Variants in RAP1GAP2 observed in about 807,000 individuals in gnomAD.
RAP1GAP2 encodes RAP1 GTPase activating protein 2.
A neutral mutation model predicts 95.0 loss-of-function variants in RAP1GAP2; 27 were observed. The ratio of observed to expected loss-of-function variants is 0.28; its 90% CI spans 0.21 to 0.39. The LOEUF is 0.39. RAP1GAP2 is among the 10% of genes least tolerant of loss of function. RAP1GAP2 has a pLI of 1.00. For missense variants in RAP1GAP2, 771 were observed against 970.0 expected (o/e 0.79, Z 2.72); for synonymous variants, 373 against 380.9 (o/e 0.98, Z 0.24).
intron 2 of RAP1GAP2, among the ~76,000 whole-genome samples, chr17:2,862,056 A>G (rs1249436633): frequency 6.6e-6 from 1 of 152,146 alleles, no homozygotes; most frequent in Non-Finnish European, 1.5e-5. Flanking sequence ...GATTTTGTAG[A>G]GAATTGCAAA....
rs552484950 is a variant in RAP1GAP2, at chr17:2,884,994, G to T, written c.81-20290G>T. 3.6e-4 allele frequency among the ~76,000 whole-genome samples: 55 copies of T among 151,892 alleles called. No individual in the cohort carries two copies. The South Asian group carries it at 0.011, about 30-fold the overall frequency. On this transcript the variant is annotated intron_variant, in intron 2 of 24. Transcript: ENST00000254695. Reference sequence around the variant, plus strand: ...CTGTCCTCATAGCCGTTACGGCCTGGCAGGCCAAATAGGCACATTTCTTTT... The same window carrying T: ...CTGTCCTCATAGCCGTTACGGCCTGTCAGGCCAAATAGGCACATTTCTTTT...
intron 3 of RAP1GAP2, among the ~76,000 whole-genome samples, chr17:2,926,622 C>T (rs563659064): frequency 6.6e-6 from 1 of 152,250 alleles, no homozygotes; most frequent in East Asian, 1.9e-4. Flanking sequence ...CAAATACCCA[C>T]ACACTTAGTG....
chr17:2,830,204 G>T lies in RAP1GAP2; in HGVS notation c.80+29654G>T, dbSNP rs1037673942. On this transcript the variant is annotated intron_variant, in intron 2 of 24. Coordinates refer to ENST00000254695, the MANE Select transcript of RAP1GAP2 (RefSeq NM_015085.5). ...AGGTGGGCGGATCACTTGAGGTCAG[G>T]AGTTCAAGACCAGCCTGGCCAACAT... is the stretch of plus-strand genomic sequence containing the variant. 6.6e-5 allele frequency among the ~76,000 whole-genome samples: 10 copies of T among 152,024 alleles called. No homozygotes were observed. In the East Asian group the frequency reaches 1.9e-3, roughly 29 times the overall value.
At chr17:2,777,661 G>C (rs1317492968) in intron 1 of RAP1GAP2, among the ~76,000 whole-genome samples, 1 of 152,180 alleles carries the variant, frequency 6.6e-6, no homozygotes, top group Non-Finnish European at 1.5e-5. Flanking sequence ...CCTCTCATTT[G>C]TTTTCTATAG....
intron 3 of RAP1GAP2, among the ~76,000 whole-genome samples, chr17:2,919,184 C>T (rs1282376325): frequency 6.6e-6 from 1 of 152,122 alleles, no homozygotes; most frequent in Non-Finnish European, 1.5e-5. Flanking sequence ...AATGTGGATG[C>T]CCTTGAGGGT....
chr17:2,814,265 G>A (rs1161906478), intron 2 of RAP1GAP2, among the ~76,000 whole-genome samples: 1 of 152,158 alleles, frequency 6.6e-6, no homozygotes, highest in Non-Finnish European at 1.5e-5. Context: ...GTCAGTTCTG[G>A]TTTTGTTTTC....
chr17:2,964,117 G>A (rs1286218314), intron 7 of RAP1GAP2, 49 bp downstream of exon 7: 4 of 1,504,614 alleles, frequency 2.7e-6, no homozygotes, highest in South Asian at 1.2e-5. Context: ...AGAGGCTGGG[G>A]ACGCTGGGAG....
chr17:2,914,027 C>T (rs1469022333), intron 3 of RAP1GAP2, among the ~76,000 whole-genome samples: 2 of 152,084 alleles, frequency 1.3e-5, no homozygotes, highest in African/African-American at 4.8e-5. Flanking sequence ...CCCACTACCA[C>T]TCCCGGCTAA....
At chr17:2,926,861 A>G (rs2042970558) in intron 3 of RAP1GAP2, among the ~76,000 whole-genome samples, 1 of 151,494 alleles carries the variant, frequency 6.6e-6, no homozygotes, top group Non-Finnish European at 1.5e-5. Flanking sequence ...AAAAAATACT[A>G]CAGGTGTGGT....
chr17:2,963,755 C>G lies in RAP1GAP2; in HGVS notation c.280-101C>G. The G allele has an allele frequency of 9.1e-7, 1 of 1,097,366 alleles. No individual in the cohort carries two copies. The highest frequency in any genetic ancestry group is 1.6e-5 in the South Asian group (1 of 62,590). 68.0% of individuals were successfully genotyped at this position (1,097,366 alleles called of 1,614,324 possible). A position where few individuals can be genotyped will look rare whatever the true frequency, so the allele number is the denominator to read the frequency against. On this transcript the variant is annotated intron_variant, in intron 6 of 24. Transcript: ENST00000254695. This position sits in a 1 kb window ranked among gnomAD's most constrained non-coding sequence, Gnocchi z 4.8. ...CTTTGGCCTCAAGTACCAGTGGGTA[C>G]CAGGCCCCACTCCTGGGAGCAGCGC...
chr17:2,887,595 G>A (rs374438515), intron 2 of RAP1GAP2, among the ~76,000 whole-genome samples: 28 of 151,392 alleles, frequency 1.8e-4, no homozygotes, highest in South Asian at 1.3e-3. Context: ...GGCTGGTCTC[G>A]AACTCCTGAC....
intron 2 of RAP1GAP2, among the ~76,000 whole-genome samples, chr17:2,822,768 CAT>C (rs2070367517): frequency 6.7e-6 from 1 of 149,996 alleles, no homozygotes; most frequent in Admixed American, 6.7e-5. Flanking sequence ...AGGTTTGTTA[CAT>C]ATGTATACAT....
intron 1 of RAP1GAP2, among the ~76,000 whole-genome samples, chr17:2,785,980 C>A (rs897251287): frequency 6.6e-6 from 1 of 151,082 alleles, no homozygotes; most frequent in African/African-American, 2.4e-5. Flanking sequence ...CGGCTCACCG[C>A]AACCTCCACC....
Position 3,027,831 on chromosome 17 carries a change from G to A in RAP1GAP2, c.2107+761G>A, listed in dbSNP as rs973271778. On this transcript the variant is annotated intron_variant, in intron 22 of 24. Coordinates refer to ENST00000254695, the MANE Select transcript of RAP1GAP2 (RefSeq NM_015085.5). This position sits in a 1 kb window ranked among gnomAD's most constrained non-coding sequence, Gnocchi z 5.2. ...AGGGGAGCTGCGGCAGAAGCACCTC[G>A]GTTCAGGAGAGATCAAGGAGGTAAA... Among the ~76,000 whole-genome samples the A allele has an allele frequency of 3.3e-5, 5 of 151,774 alleles. No homozygotes were observed. Among genetic ancestry groups the A allele is most frequent in the South Asian group, 2.1e-4 (1 of 4,806 alleles).
intron 8 of RAP1GAP2, among the ~76,000 whole-genome samples, chr17:2,977,832 G>A (rs1173683646): frequency 6.7e-6 from 1 of 150,012 alleles, no homozygotes; most frequent in Non-Finnish European, 1.5e-5. Flanking sequence ...TCAAAACCTG[G>A]CAAGGGAAGC....
In RAP1GAP2 at chr17:3,029,207, G is replaced by A. The variant is rs536436054; in HGVS notation, c.2108-1715G>A. ...GGCCCCCACTTGGTGTTAAATAAAC[G>A]TCAAAGTAAGGAAGGTTTTGAGTAA... On this transcript the variant is annotated intron_variant, in intron 22 of 24. Coordinates refer to ENST00000254695, the MANE Select transcript of RAP1GAP2 (RefSeq NM_015085.5). This position sits in a 1 kb window ranked among gnomAD's most constrained non-coding sequence, Gnocchi z 4.4. 1.3e-5 allele frequency among the ~76,000 whole-genome samples: 2 copies of A among 152,292 alleles called. No individual in the cohort carries two copies. Among genetic ancestry groups the A allele is most frequent in the South Asian group, 4.1e-4 (2 of 4,832 alleles).
intron 3 of RAP1GAP2, among the ~76,000 whole-genome samples, chr17:2,951,814 A>G (rs1179280968): frequency 1.3e-5 from 2 of 152,042 alleles, no homozygotes; most frequent in African/African-American, 2.4e-5. Context: ...CAGGCGGATC[A>G]TTTGAGGTCA....
Position 2,963,115 on chromosome 17 carries a change from G to A in RAP1GAP2, c.247-315G>A, listed in dbSNP as rs2044413284. The A allele has an allele frequency of 1.8e-6, 1 of 550,472 alleles. No individual in the cohort carries two copies. Among genetic ancestry groups the A allele is most frequent in the South Asian group, 2.2e-5 (1 of 45,710 alleles). 34.1% of individuals were successfully genotyped at this position (550,472 alleles called of 1,614,324 possible). On this transcript the variant is annotated intron_variant, in intron 5 of 24. Transcript: ENST00000254695. This position sits in a 1 kb window ranked among gnomAD's most constrained non-coding sequence, Gnocchi z 4.8. ...GGTCAGTCCGCCTGCCTGGAAAGGGGTGCTGGGGGAGACTAGGGGTCATTT... is the reference window on the plus strand; with the variant it reads ...GGTCAGTCCGCCTGCCTGGAAAGGGATGCTGGGGGAGACTAGGGGTCATTT...
intron 3 of RAP1GAP2, among the ~76,000 whole-genome samples, chr17:2,936,044 G>T (rs1392164089): frequency 1.3e-5 from 2 of 152,020 alleles, no homozygotes; most frequent in Non-Finnish European, 2.9e-5. Flanking sequence ...GGAGATGTGC[G>T]CAGACCGCCA....
Sources: gnomAD v4.1 joint callset for allele counts (sites outside exome capture counted in the v4.1 genomes callset) on GRCh38, gnomAD v4.1.1 for gene constraint, Gnocchi (gnomAD v3.1) non-coding constraint, MANE v1.5 for transcripts, NCBI Gene and HGNC (gene_info 2026-07-23, HGNC 2026-07-21) for gene names.